Variants in TSC22D1 observed in about 807,000 individuals in gnomAD.
TSC22D1 encodes the protein TSC22 domain family protein 1.
TSC22D1 carries 9 observed loss-of-function variants against 74.2 expected under a neutral mutation model. The ratio of observed to expected loss-of-function variants is 0.12; its 90% CI spans 0.07 to 0.21. The LOEUF (loss-of-function observed/expected upper bound fraction) is 0.21, where lower values mean the gene tolerates loss of function less well. TSC22D1 is among the 10% of genes least tolerant of loss of function. The pLI is 1.00. For missense variants in TSC22D1, 1,427 were observed against 1,304.7 expected (o/e 1.09, Z -1.44); for synonymous variants, 586 against 492.5 (o/e 1.19, Z -2.51).
intron 1 of TSC22D1, among the ~76,000 whole-genome samples, chr13:44,471,388 T>C (rs922222037): frequency 2.0e-5 from 3 of 152,208 alleles, no homozygotes; most frequent in African/African-American, 7.2e-5. Context: ...TGTGTAGCAC[T>C]TGGATCTCTT....
chr13:44,550,287 T>C (rs1882145072), intron 1 of TSC22D1, among the ~76,000 whole-genome samples: 1 of 152,134 alleles, frequency 6.6e-6, no homozygotes, highest in Admixed American at 6.5e-5. Flanking sequence ...GCAAGCTCCA[T>C]TAAGAAATAA....
chr13:44,497,282 G>C (rs1879021082), intron 1 of TSC22D1, among the ~76,000 whole-genome samples: 1 of 152,104 alleles, frequency 6.6e-6, no homozygotes, highest in African/African-American at 2.4e-5. Flanking sequence ...AGTGAAAGAG[G>C]CCACATACAA....
rs148162749 is a variant in TSC22D1 at position 44,552,418 on chromosome 13, T to A, written c.2912+20745A>T. Among the ~76,000 whole-genome samples the A allele has an allele frequency of 1.3e-3, 201 of 152,290 alleles. 1 individual carries two copies. The highest frequency in any genetic ancestry group is 4.6e-3 in the African/African-American group (191 of 41,562). On this transcript the variant is annotated intron_variant, in intron 1 of 2. Coordinates refer to ENST00000458659, the MANE Select transcript of TSC22D1 (RefSeq NM_183422.4). Reference sequence around the variant, plus strand: ...ATGGCAATTGAAGCACGTAACAAACTGATCATTTCCCTACATTTATGAAGT... The same window carrying A: ...ATGGCAATTGAAGCACGTAACAAACAGATCATTTCCCTACATTTATGAAGT...
intron 1 of TSC22D1, among the ~76,000 whole-genome samples, chr13:44,554,872 CTT>C (rs1285987279): frequency 3.3e-5 from 5 of 152,204 alleles, no homozygotes; most frequent in Middle Eastern, 6.8e-3. Context: ...CCCTATTTCT[CTT>C]GTCTCCTCTC....
chr13:44,471,104 A>G (rs185868441), intron 1 of TSC22D1, among the ~76,000 whole-genome samples: 1 of 152,364 alleles, frequency 6.6e-6, no homozygotes, highest in Admixed American at 6.5e-5. Context: ...TTAGATAACC[A>G]ATGGTTTGCT....
chr13:44,526,836 A>G (rs1311285706), intron 1 of TSC22D1, among the ~76,000 whole-genome samples: 1 of 152,342 alleles, frequency 6.6e-6, no homozygotes, highest in East Asian at 1.9e-4. Context: ...AGAGGCAGAA[A>G]GTTTGGAGAA....
chr13:44,451,347 C>T (rs1222972701), intron 1 of TSC22D1: 1 of 152,226 alleles, frequency 6.6e-6, no homozygotes, highest in Non-Finnish European at 1.5e-5. Context: ...GGGAGGGACG[C>T]GTGTGAGAGC....
At chr13:44,528,220 T>G (rs140160620) in intron 1 of TSC22D1, among the ~76,000 whole-genome samples, 1 of 152,080 alleles carries the variant, frequency 6.6e-6, no homozygotes, top group East Asian at 1.9e-4. Flanking sequence ...ATAGGCTACT[T>G]CATCCAACAA....
intron 1 of TSC22D1, among the ~76,000 whole-genome samples, chr13:44,494,745 C>G (rs1164528696): frequency 6.6e-6 from 1 of 152,030 alleles, no homozygotes; most frequent in South Asian, 2.1e-4. Context: ...TATGACCCAT[C>G]ATGGAAGAAA....
intron 1 of TSC22D1, among the ~76,000 whole-genome samples, chr13:44,506,721 T>C (rs1879464890): frequency 6.6e-6 from 1 of 152,148 alleles, no homozygotes; most frequent in Non-Finnish European, 1.5e-5. Flanking sequence ...ATTTCTGAGC[T>C]GGGTATCGAG....
chr13:44,470,871 G>A (rs1190533340), intron 1 of TSC22D1, among the ~76,000 whole-genome samples: 1 of 152,120 alleles, frequency 6.6e-6, no homozygotes, highest in Non-Finnish European at 1.5e-5. Flanking sequence ...AGTCTCTGCT[G>A]GGACCAGTCC....
chr13:44,436,733 G>C, intron 1 of TSC22D1: 4 of 1,490,322 alleles, frequency 2.7e-6, no homozygotes. Context: ...GGGAGAAACA[G>C]AAAACGGCAG....
At chr13:44,446,316 T>G (rs549452907) in intron 1 of TSC22D1, among the ~76,000 whole-genome samples, 1 of 152,086 alleles carries the variant, frequency 6.6e-6, no homozygotes, top group African/African-American at 2.4e-5. Context: ...GGTAAAACTA[T>G]AGAGACAAAA....
At chr13:44,566,582 T>C (rs569223755) in intron 1 of TSC22D1, among the ~76,000 whole-genome samples, 1 of 152,294 alleles carries the variant, frequency 6.6e-6, no homozygotes, top group African/African-American at 2.4e-5. Context: ...CATCATTCAT[T>C]ACATTTAATA....
rs1341464450 is a variant in TSC22D1 at position 44,573,655 on chromosome 13, T to A, written c.2420A>T (p.Glu807Val). 3 of 1,614,226 alleles carry A rather than the reference T, an allele frequency of 1.9e-6. No individual in the cohort carries two copies. The South Asian group carries it at 3.3e-5, about 18-fold the overall frequency. ...LTVPPQPQGV[E>V]PVAQGIVSQQ... ...TGAAACAATTCCTTGAGCTACTGGT[T>A]CTACTCCTTGTGGCTGGGGAGGCAC... Residue 807 changes from glutamate (E) to valine (V), a missense_variant, in exon 1 of 3, where the codon GAA (glutamate) becomes GTA (valine). Glu to Val is a moderately radical substitution (Grantham distance 121). Around this residue, in one of 3 missense-constraint regions of TSC22D1, gnomAD observed 1,343 missense variants for 1,191.5 expected, o/e 1.13. Transcript: ENST00000458659.
At chr13:44,456,018 C>T (rs1235992792) in intron 1 of TSC22D1, among the ~76,000 whole-genome samples, 6 of 152,170 alleles carry the variant, frequency 3.9e-5, no homozygotes, top group Admixed American at 3.9e-4. Flanking sequence ...CAACATAAGT[C>T]TGTATAAGAC....
intron 1 of TSC22D1, among the ~76,000 whole-genome samples, chr13:44,447,166 TAGAGAC>T (rs1875746861): frequency 6.6e-6 from 1 of 151,890 alleles, no homozygotes; most frequent in African/African-American, 2.4e-5. Flanking sequence ...TTTTTTAAAT[TAGAGAC>T]AGTGTCTCGC....
At chr13:44,533,572 T>A (rs187981595) in intron 1 of TSC22D1, among the ~76,000 whole-genome samples, 22 of 151,500 alleles carry the variant, frequency 1.5e-4, no homozygotes, top group Admixed American at 1.3e-3. Context: ...TCACCTGAGG[T>A]CAGGAGTTCA....
At chr13:44,514,481 C>G (rs1447435666) in intron 1 of TSC22D1, among the ~76,000 whole-genome samples, 1 of 151,992 alleles carries the variant, frequency 6.6e-6, no homozygotes, top group Non-Finnish European at 1.5e-5. Flanking sequence ...ACTCATATCA[C>G]TGACAAAGGG....
Sources: gnomAD v4.1 joint callset for allele counts (sites outside exome capture counted in the v4.1 genomes callset) on GRCh38, gnomAD v4.1.1 for gene constraint, gnomAD v4.1.1 regional missense constraint, MANE v1.5 for transcripts, NCBI Gene and HGNC (gene_info 2026-07-23, HGNC 2026-07-21) for gene names.